The following MMP8 variants were observed in gnomAD, a reference collection of about 807,000 sequenced individuals.
The protein encoded by MMP8 is neutrophil collagenase.
MMP8 carries 67 observed loss-of-function variants against 51.2 expected under a neutral mutation model. The ratio of observed to expected loss-of-function variants is 1.31; its 90% CI spans 1.08 to 1.60. MMP8 has a LOEUF of 1.60. Ranked by LOEUF, MMP8 falls within the 40% of genes most tolerant of loss-of-function variation. MMP8 has a pLI of 0.00. For missense variants in MMP8, 654 were observed against 558.1 expected (o/e 1.17, Z -1.73); for synonymous variants, 225 against 191.0 (o/e 1.18, Z -1.47).
At chr11:102,722,777 C>A in intron 1 of MMP8, 104 bp from the exon 2 acceptor site, 1 of 1,470,462 alleles carries the variant, frequency 6.8e-7, no homozygotes. Flanking sequence ...GATAACTTGA[C>A]AGCCACAGGA....
intron 1 of MMP8, chr11:102,723,016 T>A: frequency 7.7e-7 from 1 of 1,297,962 alleles, no homozygotes; most frequent in Non-Finnish European, 1.0e-6. Flanking sequence ...TTGAGGTATT[T>A]GTTGCATCAG....
At chr11:102,723,597 AG>A (rs1861537819) in intron 1 of MMP8, 4 of 434,742 alleles carry the variant, frequency 9.2e-6, no homozygotes, top group Non-Finnish European at 1.8e-5. Context: ...ATGTGTGAAA[AG>A]GGGCAAAACA....
chr11:102,718,671 C>A, intron 4 of MMP8, 96 bp from the exon 5 acceptor site: 1 of 1,384,336 alleles, frequency 7.2e-7, no homozygotes, highest in Non-Finnish European at 1.0e-6. Context: ...CAAAACTGCT[C>A]AGGGAAATAG....
At chr11:102,718,665 AC>A in intron 4 of MMP8, 90 bp from the exon 5 acceptor site, 2 of 1,456,400 alleles carry the variant, frequency 1.4e-6, no homozygotes, top group Non-Finnish European at 1.9e-6. Flanking sequence ...CCAAGTCAAA[AC>A]TGCTCAGGGA....
rs370891642 is a variant in MMP8 at position 102,715,260 on chromosome 11, C to T, written c.1036+44G>A. 2.4e-5 allele frequency: 38 copies of T among 1,575,942 alleles called. 1 individual carries two copies. In the African/African-American group the frequency reaches 4.5e-4, roughly 19 times the overall value. On this transcript the variant is annotated intron_variant, in intron 7 of 9. Coordinates refer to ENST00000236826, the MANE Select transcript of MMP8 (RefSeq NM_002424.3). ...GACCACAAAGAAGTCCTGCCCCCTC[C>T]CTTCAGGCAGAACTAACATAAGATG...
intron 1 of MMP8, chr11:102,723,725 TC>T (rs1861541712): frequency 3.3e-6 from 1 of 300,532 alleles, no homozygotes; most frequent in African/African-American, 2.2e-5. Flanking sequence ...CATTAATCTT[TC>T]TTAATGACCT....
At chr11:102,723,185 A>T in intron 1 of MMP8, 1 of 510,936 alleles carries the variant, frequency 2.0e-6, no homozygotes, top group South Asian at 1.6e-5. Flanking sequence ...TTTCAAAATA[A>T]TTTCAAATAT....
At position 102,714,633 on chromosome 11, in the gene MMP8, G is replaced by A; in HGVS notation, c.1113C>T (p.Pro371=). The A allele has an allele frequency of 6.4e-7, 1 of 1,553,578 alleles. No homozygotes were observed. Among genetic ancestry groups the A allele is most frequent in the Non-Finnish European group, 8.7e-7 (1 of 1,152,826 alleles). The change falls in exon 8 of 10, where the codon CCC becomes CCT. Residue 371 remains proline, a synonymous_variant. Coordinates refer to ENST00000236826, the MANE Select transcript of MMP8 (RefSeq NM_002424.3). ...YPKDISNYGF[P]SSVQAIDAAV... is the part of the protein sequence containing the mutation. ...CTGCGTCAATTGCTTGGACGCTGCT[G>A]GGGAAGCCATAGTTTGATATATCCT...
intron 4 of MMP8, among the ~76,000 whole-genome samples, chr11:102,719,986 G>T (rs1939020): frequency 0.92 from 140,770 of 152,264 alleles, 65,121 homozygotes; most frequent in East Asian, 1. Context: ...AAGGTGGTGC[G>T]TGGGGCATGG....
intron 1 of MMP8, chr11:102,723,481 A>T (rs1486542344): frequency 2.2e-6 from 1 of 455,082 alleles, no homozygotes; most frequent in Non-Finnish European, 4.4e-6. Context: ...TTCTCTCACA[A>T]TTCTGGAGGC....
At position 102,713,190 on chromosome 11, in the gene MMP8, C is replaced by T; in HGVS notation, c.*158G>A. 1 of 583,178 alleles carries T rather than the reference C, an allele frequency of 1.7e-6. No homozygotes were observed. Among genetic ancestry groups the T allele is most frequent in the South Asian group, 2.2e-5 (1 of 46,284 alleles). 36.1% of individuals were successfully genotyped at this position (583,178 alleles called of 1,614,324 possible). A position where few individuals can be genotyped will look rare whatever the true frequency, so the allele number is the denominator to read the frequency against. ...AGCCTCTGCAAATAGTGGAATATTC[C>T]AAACATATTTTCACGGAGGACAGGT... On this transcript the variant is annotated 3_prime_UTR_variant, in exon 10 of 10. Transcript: ENST00000236826.
At chr11:102,721,320 G>A in intron 4 of MMP8, 81 bp downstream of exon 4, 1 of 746,126 alleles carries the variant, frequency 1.3e-6, no homozygotes, top group Non-Finnish European at 2.0e-6. Context: ...TACCTTTATT[G>A]TGTGTGTGTG....
At chr11:102,714,762 TTATATATATA>T (rs58774554) in intron 7 of MMP8, 53 bp from the exon 8 acceptor site, 23,564 of 175,952 alleles carry the variant, frequency 0.13, 1,824 homozygotes, top group African/African-American at 0.24. Context: ...TTTTACAAAA[TTATATATATA>T]TATATATATA....
intron 1 of MMP8, chr11:102,723,122 G>A: frequency 8.9e-7 from 1 of 1,126,322 alleles, no homozygotes; most frequent in Non-Finnish European, 1.2e-6. Context: ...AATTTTCCAA[G>A]TGATGATTCA....
rs1410342637 is a variant in MMP8, at chr11:102,721,416, T to A, written c.607A>T (p.Thr203Ser). 6.2e-7 allele frequency: 1 copy of A among 1,613,748 alleles called. No individual in the cohort carries two copies. Reference sequence around the variant, plus strand: ...ATTAACTTACTTGCGGAGGTGTTGGTCCATGTTTCTTCGGCATCAAAATGA... The same window carrying A: ...ATTAACTTACTTGCGGAGGTGTTGGACCATGTTTCTTCGGCATCAAAATGA... ...DAHFDAEETWTNTSANYNLFL... is the reference protein window; with the variant it reads ...DAHFDAEETWSNTSANYNLFL... The change falls in exon 4 of 10, where the codon ACC (threonine) becomes TCC (serine). Residue 203 changes from threonine to serine, a missense_variant. Thr to Ser is a moderately conservative substitution (Grantham distance 58, BLOSUM62 1). Transcript: ENST00000236826.
At chr11:102,723,610 A>G in intron 1 of MMP8, 1 of 422,586 alleles carries the variant, frequency 2.4e-6, no homozygotes, top group African/African-American at 2.0e-5. Context: ...GGCAAAACAC[A>G]AAGGGCAGCC....
rs753271060 is a variant in MMP8 at position 102,721,703 on chromosome 11, G to C, written c.407C>G (p.Ala136Gly). The change falls in exon 3 of 10, where the codon GCC becomes GGC. Residue 136 changes from alanine to glycine, a missense_variant. Ala to Gly is a moderately conservative substitution (Grantham distance 60). Coordinates refer to ENST00000236826, the MANE Select transcript of MMP8 (RefSeq NM_002424.3). ...EAEVERAIKD[A>G]FELWSVASPL... ...TGATGCAACACTCCAGAGTTCAAAG[G>C]CATCCTTGATAGCTCTTTCTACCTC... 2.5e-5 allele frequency: 41 copies of C among 1,613,796 alleles called. No homozygotes were observed. The highest frequency in any genetic ancestry group is 3.3e-5 in the Non-Finnish European group (39 of 1,179,836).
At chr11:102,718,020 T>C (rs942011158) in intron 5 of MMP8, among the ~76,000 whole-genome samples, 3 of 151,968 alleles carry the variant, frequency 2.0e-5, no homozygotes, top group African/African-American at 7.3e-5. Flanking sequence ...GGCAGGAGAA[T>C]TGCTTGAACT....
intron 1 of MMP8, chr11:102,723,165 G>T (rs1861524893): frequency 1.7e-6 from 1 of 604,264 alleles, no homozygotes; most frequent in Admixed American, 2.6e-5. Flanking sequence ...TCTCAAATGA[G>T]AACTGATAAT....
Sources: gnomAD v4.1 joint callset for allele counts (sites outside exome capture counted in the v4.1 genomes callset) on GRCh38, gnomAD v4.1.1 for gene constraint, MANE v1.5 for transcripts, NCBI Gene and HGNC (gene_info 2026-07-23, HGNC 2026-07-21) for gene names.